The following SLC9A1 variants were observed in gnomAD, a reference collection of about 807,000 sequenced individuals.
The protein encoded by SLC9A1 is solute carrier family 9 member A1, also known as sodium/hydrogen exchanger 1.
SLC9A1 carries 22 observed loss-of-function variants against 67.9 expected under a neutral mutation model. That is an observed-to-expected ratio of 0.32 (90% CI 0.23 to 0.46). The LOEUF is 0.46. SLC9A1 is among the 20% of genes least tolerant of loss of function. The pLI, the probability that SLC9A1 is intolerant of heterozygous loss-of-function variation, is 1.00. For missense variants in SLC9A1, 686 were observed against 1,094.8 expected (o/e 0.63, Z 5.27); for synonymous variants, 421 against 471.8 (o/e 0.89, Z 1.40).
chr1:27,120,169 C>G (rs2083295746), intron 1 of SLC9A1, among the ~76,000 whole-genome samples: 1 of 151,852 alleles, frequency 6.6e-6, no homozygotes. Flanking sequence ...CGGAGTCTCA[C>G]TCTTGTTGTA....
Position 27,118,209 on chromosome 1 carries a change from G to A in SLC9A1, c.353-3923C>T, listed in dbSNP as rs922998315. Among the ~76,000 whole-genome samples, 32 of 152,322 alleles carry A rather than the reference G, an allele frequency of 2.1e-4. No individual in the cohort carries two copies. In the East Asian group the frequency reaches 3.7e-3, roughly 17 times the overall value. ...CTCTGGCGCTCAGTGAGCTGAAGGA[G>A]CTCTAGGCCCTGATGGGCTCTCTGG... On this transcript the variant is annotated intron_variant, in intron 1 of 11. Coordinates refer to ENST00000263980, the MANE Select transcript of SLC9A1 (RefSeq NM_003047.5). This position sits in a 1 kb window ranked among gnomAD's most constrained non-coding sequence, Gnocchi z 4.3.
At chr1:27,107,507 A>C (rs771714177) in intron 4 of SLC9A1, 141 bp downstream of exon 4, 1 of 672,388 alleles carries the variant, frequency 1.5e-6, no homozygotes, top group Non-Finnish European at 2.6e-6. Context: ...ATACTTATAC[A>C]CTGCACCACA....
Position 27,118,364 on chromosome 1 carries a change from T to C in SLC9A1, c.353-4078A>G, listed in dbSNP as rs1418776122. Among the ~76,000 whole-genome samples the C allele has an allele frequency of 1.3e-5, 2 of 152,132 alleles. No individual in the cohort carries two copies. The highest frequency in any genetic ancestry group is 2.9e-5 in the Non-Finnish European group (2 of 68,008). On this transcript the variant is annotated intron_variant, in intron 1 of 11. Coordinates refer to ENST00000263980, the MANE Select transcript of SLC9A1 (RefSeq NM_003047.5). This position sits in a 1 kb window ranked among gnomAD's most constrained non-coding sequence, Gnocchi z 4.3. Reference sequence around the variant, plus strand: ...AGGGCTGGGGGAGGAAGGGATTCTGTCATCAAGAGGAGGCTCCTTCAGGAG... The same window carrying C: ...AGGGCTGGGGGAGGAAGGGATTCTGCCATCAAGAGGAGGCTCCTTCAGGAG...
At chr1:27,145,894 G>A (rs183419641) in intron 1 of SLC9A1, among the ~76,000 whole-genome samples, 3 of 152,260 alleles carry the variant, frequency 2.0e-5, no homozygotes, top group Non-Finnish European at 2.9e-5. Context: ...CAGGGAAGGC[G>A]GGCAGCCCAC....
At chr1:27,122,093 C>A (rs1265955833) in intron 1 of SLC9A1, among the ~76,000 whole-genome samples, 8 of 152,052 alleles carry the variant, frequency 5.3e-5, no homozygotes, top group Non-Finnish European at 1.2e-4. Context: ...CCAGCCTGGG[C>A]GACAGAGTGA....
chr1:27,116,872 T>A (rs1184858390), intron 1 of SLC9A1, among the ~76,000 whole-genome samples: 1 of 152,170 alleles, frequency 6.6e-6, no homozygotes. Context: ...CATCCTCTTT[T>A]GCCTGCCAAT....
intron 1 of SLC9A1, among the ~76,000 whole-genome samples, chr1:27,138,422 T>C (rs2124197857): frequency 6.6e-6 from 1 of 151,340 alleles, no homozygotes; most frequent in South Asian, 2.1e-4. Context: ...TTTGTCCACA[T>C]CCAATGCTCC....
At chr1:27,143,495 C>A (rs948009195) in intron 1 of SLC9A1, among the ~76,000 whole-genome samples, 1 of 152,214 alleles carries the variant, frequency 6.6e-6, no homozygotes, top group Non-Finnish European at 1.5e-5. Context: ...GTGATCTGTA[C>A]TTGTACAAAG....
At chr1:27,112,441 T>C (rs1326690848) in intron 2 of SLC9A1, among the ~76,000 whole-genome samples, 1 of 151,704 alleles carries the variant, frequency 6.6e-6, no homozygotes, top group African/African-American at 2.4e-5. Context: ...GGGGTGGGAG[T>C]GTTCTCACAA....
intron 1 of SLC9A1, among the ~76,000 whole-genome samples, chr1:27,152,273 A>G (rs904484388): frequency 2.6e-5 from 4 of 152,194 alleles, no homozygotes; most frequent in Non-Finnish European, 4.4e-5. Context: ...GGGTCTCTGC[A>G]GTCATGCTGT....
intron 5 of SLC9A1, among the ~76,000 whole-genome samples, chr1:27,104,227 G>A (rs1226968682): frequency 1.3e-5 from 2 of 151,730 alleles, no homozygotes; most frequent in Admixed American, 6.6e-5. Context: ...GATTACAGGC[G>A]GCTGCCACCA....
At position 27,103,499 on chromosome 1, in the gene SLC9A1, T is replaced by C. The variant is rs1319027221; in HGVS notation, c.1486-187A>G. On this transcript the variant is annotated intron_variant, in intron 5 of 11. Transcript: ENST00000263980. ...TATCTAAAGACAGGTCCTTAAGGCC[T>C]GCTTCTTCCTGGAGACACGGTCAGA... The C allele has an allele frequency of 2.0e-5, 12 of 597,148 alleles. No homozygotes were observed. In the East Asian group the frequency reaches 3.4e-4, roughly 17 times the overall value. The allele number at this position is 597,148 out of a possible 1,614,324, so 37.0% of individuals were successfully genotyped here.
chr1:27,117,711 G>A (rs558446587), intron 1 of SLC9A1, among the ~76,000 whole-genome samples: 2 of 152,302 alleles, frequency 1.3e-5, no homozygotes, highest in East Asian at 3.9e-4. Context: ...CTTGGGATAG[G>A]TATTGCCTCC....
chr1:27,121,073 T>C (rs1043954004), intron 1 of SLC9A1, among the ~76,000 whole-genome samples: 1 of 152,126 alleles, frequency 6.6e-6, no homozygotes, highest in Non-Finnish European at 1.5e-5. Flanking sequence ...CAGCCATAAA[T>C]AAATCTGTTC....
At chr1:27,153,336 C>G (rs2083543136) in intron 1 of SLC9A1, among the ~76,000 whole-genome samples, 1 of 152,128 alleles carries the variant, frequency 6.6e-6, no homozygotes, top group Non-Finnish European at 1.5e-5. Flanking sequence ...CCCACAGATT[C>G]TATAAAGTAT....
chr1:27,148,301 T>C (rs1290819107), intron 1 of SLC9A1, among the ~76,000 whole-genome samples: 2 of 152,116 alleles, frequency 1.3e-5, no homozygotes, highest in Admixed American at 6.6e-5. Context: ...TACAGGTATG[T>C]TCAAGTTGTA....
intron 1 of SLC9A1, among the ~76,000 whole-genome samples, chr1:27,152,243 A>G (rs1329024169): frequency 6.6e-6 from 1 of 152,184 alleles, no homozygotes; most frequent in Non-Finnish European, 1.5e-5. Flanking sequence ...GCAGGGACAA[A>G]CTTCTGACTG....
intron 1 of SLC9A1, among the ~76,000 whole-genome samples, chr1:27,145,951 C>T (rs752935521): frequency 1.3e-5 from 2 of 152,176 alleles, no homozygotes; most frequent in Non-Finnish European, 2.9e-5. Context: ...ATTAGATTAG[C>T]CCATAAGATT....
Position 27,100,689 on chromosome 1 carries a change from C to G in SLC9A1, c.2111-45G>C. The G allele has an allele frequency of 6.6e-7, 1 of 1,520,010 alleles. No individual in the cohort carries two copies. Among genetic ancestry groups the G allele is most frequent in the Non-Finnish European group, 8.9e-7 (1 of 1,117,842 alleles). The allele number at this position is 1,520,010 out of a possible 1,614,324, so 94.2% of individuals were successfully genotyped here. A position where few individuals can be genotyped will look rare whatever the true frequency, so the allele number is the denominator to read the frequency against. On this transcript the variant is annotated intron_variant, in intron 11 of 11. Coordinates refer to ENST00000263980, the MANE Select transcript of SLC9A1 (RefSeq NM_003047.5). The surrounding 1 kb of genome is among the most constrained non-coding windows in gnomAD (Gnocchi z 5.6). ...CACAAGCTGGGTTCCGCTCTGGAGC[C>G]CGGCCCAGCACGTGCCACTCGGCCG...
Sources: allele counts gnomAD v4.1 joint callset (sites outside exome capture counted in the v4.1 genomes callset), GRCh38; gene constraint gnomAD v4.1.1; non-coding constraint Gnocchi (gnomAD v3.1); transcripts MANE v1.5; gene names NCBI Gene and HGNC (gene_info 2026-07-23, HGNC 2026-07-21).